The following TENM3 variants were observed in gnomAD, a reference collection of about 807,000 sequenced individuals.
The protein encoded by TENM3 is teneurin transmembrane protein 3, also known as teneurin-3.
In TENM3, 63 loss-of-function variants were observed where a neutral mutation model predicts 255.1. The ratio of observed to expected loss-of-function variants is 0.25; its 90% CI spans 0.20 to 0.30. TENM3 has a LOEUF of 0.30. Ranked by LOEUF, TENM3 falls within the 10% of genes least tolerant of loss-of-function variation. TENM3 has a pLI of 1.00. For synonymous variants in TENM3, 1,306 were observed against 1,322.3 expected (o/e 0.99, Z 0.27); for missense variants, 2,929 against 3,461.1 (o/e 0.85, Z 3.86).
At chr4:182,526,496 A>G (rs1482434219) in intron 3 of TENM3, among the ~76,000 whole-genome samples, 2 of 152,068 alleles carry the variant, frequency 1.3e-5, no homozygotes, top group Non-Finnish European at 1.5e-5. Flanking sequence ...TATACCTGAC[A>G]TCGTTGTCAG....
At chr4:182,589,713 C>T (rs1402327212) in intron 3 of TENM3, among the ~76,000 whole-genome samples, 1 of 152,112 alleles carries the variant, frequency 6.6e-6, no homozygotes. Flanking sequence ...TGGCTCACGC[C>T]TGTAATCCCA....
the TENM3 span, among the ~76,000 whole-genome samples, chr4:181,546,885 TTTTG>T: frequency 2.0e-5 from 3 of 152,036 alleles, no homozygotes; most frequent in East Asian, 1.9e-4. Context: ...TATTGGGGAT[TTTTG>T]TTTGTTTGTG....
At chr4:181,658,844 C>T in the TENM3 span, among the ~76,000 whole-genome samples, 1 of 152,180 alleles carries the variant, frequency 6.6e-6, no homozygotes, top group Non-Finnish European at 1.5e-5. Context: ...GAAGCTCCAG[C>T]TTGTGGGAGA....
the TENM3 span, among the ~76,000 whole-genome samples, chr4:181,907,376 T>G: frequency 2.0e-5 from 3 of 152,160 alleles, no homozygotes; most frequent in Non-Finnish European, 2.9e-5. Context: ...CAGCCAAATC[T>G]TCCACTACCT....
At chr4:182,238,487 C>T (rs910773897), upstream of TENM3, among the ~76,000 whole-genome samples, 1 of 152,120 alleles carries the variant, frequency 6.6e-6, no homozygotes, top group African/African-American at 2.4e-5. Context: ...GCTGTGTGTC[C>T]TCATCACCCT....
intron 12 of TENM3, among the ~76,000 whole-genome samples, chr4:182,689,532 G>C (rs1756855920): frequency 6.6e-6 from 1 of 152,172 alleles, no homozygotes; most frequent in Admixed American, 6.6e-5. Context: ...GAAGAACTCA[G>C]GACCCAGAGG....
intron 3 of TENM3, among the ~76,000 whole-genome samples, chr4:182,575,305 T>C (rs1394774371): frequency 6.6e-6 from 1 of 152,196 alleles, no homozygotes; most frequent in Non-Finnish European, 1.5e-5. Context: ...AGATTTTTCA[T>C]TGAGAAAAGA....
intron 3 of TENM3, among the ~76,000 whole-genome samples, chr4:182,590,708 A>T (rs1746544557): frequency 6.6e-6 from 1 of 151,726 alleles, no homozygotes; most frequent in African/African-American, 2.4e-5. Flanking sequence ...TACAAAACTT[A>T]GCTGGGCGTG....
intron 1 of TENM3, among the ~76,000 whole-genome samples, chr4:182,203,074 A>G (rs990616803): frequency 6.6e-6 from 1 of 152,026 alleles, no homozygotes; most frequent in East Asian, 1.9e-4. Context: ...AAAATTAGCC[A>G]GGCGTAGTGG....
chr4:182,656,362 G>T (rs76442410), intron 6 of TENM3, among the ~76,000 whole-genome samples: 10,781 of 152,168 alleles, frequency 0.071, 578 homozygotes, highest in East Asian at 0.24. Context: ...ACCCTAAATT[G>T]TAAGGAATTC....
upstream of TENM3, among the ~76,000 whole-genome samples, chr4:182,240,061 A>AT (rs1220866088): frequency 6.6e-6 from 1 of 152,156 alleles, no homozygotes; most frequent in Non-Finnish European, 1.5e-5. Flanking sequence ...GTTAAGCAGC[A>AT]TTTTTTGCTT....
chr4:181,455,709 G>A, the TENM3 span, among the ~76,000 whole-genome samples: 7 of 151,792 alleles, frequency 4.6e-5, no homozygotes, highest in African/African-American at 1.5e-4. Context: ...GTGGAGTGTC[G>A]AGGTATTTAT....
the TENM3 span, among the ~76,000 whole-genome samples, chr4:181,747,424 C>T: frequency 1.3e-5 from 2 of 151,974 alleles, no homozygotes; most frequent in Non-Finnish European, 2.9e-5. Context: ...ATCCCAAGTA[C>T]GCTTTGTCCT....
chr4:182,597,725 T>C (rs773087430), intron 3 of TENM3, among the ~76,000 whole-genome samples: 4 of 152,224 alleles, frequency 2.6e-5, no homozygotes, highest in Admixed American at 6.5e-5. Context: ...TACTTTATCT[T>C]GTTACACTTT....
chr4:182,424,245 A>G (rs1771042182), intron 3 of TENM3, among the ~76,000 whole-genome samples: 2 of 152,186 alleles, frequency 1.3e-5, no homozygotes, highest in African/African-American at 4.8e-5. Context: ...CAATTCAACT[A>G]GGAGCTCTTT....
chr4:182,734,497 G>A (rs1761018035), intron 16 of TENM3, among the ~76,000 whole-genome samples: 1 of 152,208 alleles, frequency 6.6e-6, no homozygotes, highest in South Asian at 2.1e-4. Flanking sequence ...TGAACAGGCT[G>A]TTCTTGTGAA....
At chr4:181,919,680 G>T in the TENM3 span, among the ~76,000 whole-genome samples, 1 of 151,972 alleles carries the variant, frequency 6.6e-6, no homozygotes, top group Non-Finnish European at 1.5e-5. Context: ...CGATCGGCAT[G>T]AGGGACCACC....
chr4:182,412,450 A>G (rs957976416), intron 3 of TENM3, among the ~76,000 whole-genome samples: 7 of 152,238 alleles, frequency 4.6e-5, no homozygotes, highest in Admixed American at 3.9e-4. Flanking sequence ...AATAAAATTA[A>G]TGCTGTGAAA....
At chr4:182,443,865 TAAAG>T (rs1772696577) in intron 3 of TENM3, among the ~76,000 whole-genome samples, 1 of 152,190 alleles carries the variant, frequency 6.6e-6, no homozygotes, top group Non-Finnish European at 1.5e-5. Context: ...ATTGGATATC[TAAAG>T]AAAGAGCCCT....
Sources: gnomAD v4.1 joint callset for allele counts (sites outside exome capture counted in the v4.1 genomes callset) on GRCh38, gnomAD v4.1.1 for gene constraint, MANE v1.5 for transcripts, NCBI Gene and HGNC (gene_info 2026-07-23, HGNC 2026-07-21) for gene names.